USP43: variants seen among roughly 807,000 people sequenced by gnomAD.
USP43 encodes ubiquitin specific peptidase 43.
Under a neutral mutation model 90.7 loss-of-function variants are expected in USP43, and 33 were observed. The ratio of observed to expected loss-of-function variants is 0.36; its 90% CI spans 0.28 to 0.49. The LOEUF is 0.49. Among genes scored for constraint, USP43 ranks in the 20% least tolerant of loss-of-function variants. The pLI is 0.98. For missense variants in USP43, 1,274 were observed against 1,476.4 expected, an observed-to-expected ratio of 0.86 and a Z score of 2.25; for synonymous variants, 598 against 615.8, an observed-to-expected ratio of 0.97 and a Z score of 0.43.
intron 14 of USP43, among the ~76,000 whole-genome samples, chr17:9,719,132 A>G (rs1916782434): frequency 6.6e-6 from 1 of 152,116 alleles, no homozygotes; most frequent in Non-Finnish European, 1.5e-5. Flanking sequence ...CCGTGTCCAA[A>G]AAAAAGTCTC....
rs751176311 is a variant in USP43, at chr17:9,727,939, C to G, written c.2336-15C>G. On this transcript the variant is annotated splice_polypyrimidine_tract_variant and intron_variant, in intron 14 of 14. Transcript: ENST00000285199. ...AGGGTGGCTTGTACACTGACAGTCT[C>G]TCTGTCTCTTTCAGGAGGGTTGGAG... The G allele has an allele frequency of 3.1e-6, 5 of 1,588,388 alleles. No individual in the cohort carries two copies. Among genetic ancestry groups the G allele is most frequent in the Non-Finnish European group, 4.3e-6 (5 of 1,164,788 alleles).
chr17:9,707,826 G>A (rs1915973806), intron 12 of USP43, among the ~76,000 whole-genome samples: 1 of 152,108 alleles, frequency 6.6e-6, no homozygotes, highest in Non-Finnish European at 1.5e-5. Context: ...TTAAGTACCT[G>A]TTCTATGCCA....
At position 9,674,161 on chromosome 17, in the gene USP43, C is replaced by T. The variant is rs1219659849; in HGVS notation, c.741-730C>T. Among the ~76,000 whole-genome samples, 1 of 152,066 alleles carries T rather than the reference C, an allele frequency of 6.6e-6. No individual in the cohort carries two copies. Among genetic ancestry groups the T allele is most frequent in the East Asian group, 1.9e-4 (1 of 5,192 alleles). The stretch of plus-strand genomic sequence containing the variant: ...AGAGATGGTCCTGAGATCCCTTCAG[C>T]TTGGAAGTTGGCATGCTGGGTTTGT... On this transcript the variant is annotated intron_variant, in intron 3 of 14. Coordinates refer to ENST00000285199, the MANE Select transcript of USP43 (RefSeq NM_153210.5). The surrounding 1 kb of genome is among the most constrained non-coding windows in gnomAD (Gnocchi z 4.4).
intron 2 of USP43, among the ~76,000 whole-genome samples, chr17:9,663,755 G>C (rs967987203): frequency 1.3e-5 from 2 of 152,060 alleles, no homozygotes; most frequent in Admixed American, 6.5e-5. Context: ...TCCTGAGTAT[G>C]TGGGATTACA....
At chr17:9,677,238 C>T (rs1335659941) in intron 5 of USP43, among the ~76,000 whole-genome samples, 2 of 152,194 alleles carry the variant, frequency 1.3e-5, no homozygotes, top group Non-Finnish European at 2.9e-5. Flanking sequence ...GTAGACATTA[C>T]AATTATCCTC....
intron 3 of USP43, among the ~76,000 whole-genome samples, chr17:9,667,347 G>A (rs1026197731): frequency 5.3e-5 from 8 of 151,716 alleles, no homozygotes; most frequent in Non-Finnish European, 1.2e-4. Context: ...AGCCGTGATC[G>A]CACCACTGTA....
intron 14 of USP43, among the ~76,000 whole-genome samples, chr17:9,715,671 GTGTGTGTC>G (rs1253742113): frequency 2.0e-5 from 3 of 149,274 alleles, no homozygotes; most frequent in African/African-American, 7.5e-5. Flanking sequence ...ATGTGCCTGT[GTGTGTGTC>G]TGTGTGTATG....
rs1179254637 is a variant in USP43, at chr17:9,674,529, C to A, written c.741-362C>A. Among the ~76,000 whole-genome samples the A allele has an allele frequency of 1.3e-5, 2 of 152,170 alleles. No homozygotes were observed. Among genetic ancestry groups the A allele is most frequent in the East Asian group, 3.9e-4 (2 of 5,190 alleles). On this transcript the variant is annotated intron_variant, in intron 3 of 14. Coordinates refer to ENST00000285199, the MANE Select transcript of USP43 (RefSeq NM_153210.5). The surrounding 1 kb of genome is among the most constrained non-coding windows in gnomAD (Gnocchi z 4.4). ...TAAACGGGATCGTACAATATGTGGGCTTTCATGTCTGGCTTCTTTCACTTA... is the reference window on the plus strand; with the variant it reads ...TAAACGGGATCGTACAATATGTGGGATTTCATGTCTGGCTTCTTTCACTTA...
intron 9 of USP43, among the ~76,000 whole-genome samples, chr17:9,698,758 T>C (rs1422062941): frequency 6.6e-6 from 1 of 152,214 alleles, no homozygotes; most frequent in Non-Finnish European, 1.5e-5. Flanking sequence ...TCCACTCCCA[T>C]GTTTAAATTC....
At chr17:9,668,206 C>G (rs1447503918) in intron 3 of USP43, among the ~76,000 whole-genome samples, 1 of 152,194 alleles carries the variant, frequency 6.6e-6, no homozygotes, top group Non-Finnish European at 1.5e-5. Flanking sequence ...ATTTCCTTTG[C>G]ATTTCTCTGC....
rs187441618 is a variant in USP43, at chr17:9,680,080, G to A, written c.970-151G>A. On this transcript the variant is annotated intron_variant, in intron 5 of 14. Coordinates refer to ENST00000285199, the MANE Select transcript of USP43 (RefSeq NM_153210.5). ...GATGTCTGAGGACAATCTAATGGTT[G>A]TATCTACTATGCTGCCTTATTACTA... 5.4e-4 allele frequency: 282 copies of A among 519,906 alleles called. 2 individuals carry two copies. Among genetic ancestry groups the A allele is most frequent in the African/African-American group, 4.3e-3 (214 of 50,322 alleles). 32.2% of individuals were successfully genotyped at this position (519,906 alleles called of 1,614,324 possible).
intron 7 of USP43, among the ~76,000 whole-genome samples, chr17:9,683,420 G>T (rs534859350): frequency 6.6e-6 from 1 of 151,052 alleles, no homozygotes; most frequent in African/African-American, 2.5e-5. Context: ...TTAAAAGACA[G>T]AATTACATTA....
intron 3 of USP43, among the ~76,000 whole-genome samples, chr17:9,672,599 T>G (rs1913512130): frequency 6.6e-6 from 1 of 152,170 alleles, no homozygotes; most frequent in Admixed American, 6.5e-5. Context: ...AGGTACGTGA[T>G]GGACAGAGGT....
intron 1 of USP43, among the ~76,000 whole-genome samples, chr17:9,647,854 A>C (rs1188199977): frequency 1.9e-4 from 28 of 150,052 alleles, no homozygotes; most frequent in African/African-American, 4.2e-4. Context: ...AATCCAAAAA[A>C]AAAAAAAAAA....
chr17:9,698,627 CTAG>C (rs1915403658), intron 9 of USP43, among the ~76,000 whole-genome samples: 6 of 152,320 alleles, frequency 3.9e-5, no homozygotes, highest in South Asian at 4.1e-4. Flanking sequence ...ATCTCACCCT[CTAG>C]TGACAATCTG....
At chr17:9,693,267 C>A (rs1209707781) in intron 9 of USP43, 37 bp downstream of exon 9, 1 of 1,532,592 alleles carries the variant, frequency 6.5e-7, no homozygotes, top group Non-Finnish European at 9.0e-7. Context: ...AGCTAATGAA[C>A]CCTTTCTTAT....
Position 9,713,269 on chromosome 17 carries a change from C to T in USP43, c.2335+1137C>T, listed in dbSNP as rs770711367. Among the ~76,000 whole-genome samples, 8 of 151,862 alleles carry T rather than the reference C, an allele frequency of 5.3e-5. No individual in the cohort carries two copies. The East Asian group carries it at 1.4e-3, about 26-fold the overall frequency. ...ACGCCTGGCTAATTTTTGTACTTTT[C>T]GTAGAGACAGGGTTTCATCATGTTG... On this transcript the variant is annotated intron_variant, in intron 14 of 14. Coordinates refer to ENST00000285199, the MANE Select transcript of USP43 (RefSeq NM_153210.5).
chr17:9,693,058 C>A, intron 8 of USP43, 69 bp from the exon 9 acceptor site: 1 of 1,079,558 alleles, frequency 9.3e-7, no homozygotes, highest in Non-Finnish European at 1.4e-6. Context: ...ATGTATGCGC[C>A]CCTTTAGAGT....
At chr17:9,692,753 GATGATA>G (rs1393725979) in intron 8 of USP43, among the ~76,000 whole-genome samples, 1 of 152,154 alleles carries the variant, frequency 6.6e-6, no homozygotes, top group African/African-American at 2.4e-5. Flanking sequence ...TCATTGTGGG[GATGATA>G]ATCATCTTAA....
Sources: allele counts gnomAD v4.1 joint callset (sites outside exome capture counted in the v4.1 genomes callset), GRCh38; gene constraint gnomAD v4.1.1; non-coding constraint Gnocchi (gnomAD v3.1); transcripts MANE v1.5; gene names NCBI Gene and HGNC (gene_info 2026-07-23, HGNC 2026-07-21).